Variants in DDAH1 observed in about 807,000 individuals in gnomAD.
DDAH1 encodes N(G),N(G)-dimethylarginine dimethylaminohydrolase 1.
Under a neutral mutation model 28.8 loss-of-function variants are expected in DDAH1, and 19 were observed. The observed-to-expected ratio is 0.66, with a 90% confidence interval of 0.46 to 0.97. The LOEUF (loss-of-function observed/expected upper bound fraction) is 0.97, where lower values mean the gene tolerates loss of function less well. Ranked by LOEUF, DDAH1 falls within the 50% of genes least tolerant of loss-of-function variation. The pLI is 0.00. For missense variants in DDAH1, 326 were observed against 375.9 expected (o/e 0.87, Z 1.10); for synonymous variants, 153 against 154.4 (o/e 0.99, Z 0.07).
chr1:85,391,348 C>A (rs1249611384), intron 1 of DDAH1, among the ~76,000 whole-genome samples: 1 of 152,094 alleles, frequency 6.6e-6, no homozygotes, highest in African/African-American at 2.4e-5. Context: ...ATGCCTATAA[C>A]CCCAGCTACT....
At chr1:85,513,992 C>G (rs1657350710) in intron 1 of DDAH1, among the ~76,000 whole-genome samples, 1 of 152,174 alleles carries the variant, frequency 6.6e-6, no homozygotes, top group African/African-American at 2.4e-5. Flanking sequence ...ACCCAGCAAT[C>G]CCATTGCTGG....
chr1:85,470,239 G>A (rs1207937482), intron 2 of DDAH1, among the ~76,000 whole-genome samples: 1 of 152,210 alleles, frequency 6.6e-6, no homozygotes. Flanking sequence ...ATGTGACTGG[G>A]GAGGCCTTAC....
At chr1:85,574,903 A>C (rs1388977216) in intron 1 of DDAH1, among the ~76,000 whole-genome samples, 7 of 151,852 alleles carry the variant, frequency 4.6e-5, no homozygotes, top group East Asian at 3.9e-4. Flanking sequence ...ATATATATAT[A>C]TATGTAATTA....
At chr1:85,365,886 ATGACT>A (rs1650050104) in intron 1 of DDAH1, among the ~76,000 whole-genome samples, 1 of 152,176 alleles carries the variant, frequency 6.6e-6, no homozygotes, top group Non-Finnish European at 1.5e-5. Context: ...ATCTACTTAG[ATGACT>A]TGAGTTAATC....
chr1:85,377,597 A>G (rs1007114472), intron 1 of DDAH1, among the ~76,000 whole-genome samples: 25 of 152,152 alleles, frequency 1.6e-4, no homozygotes, highest in African/African-American at 6.0e-4. Context: ...GTGTTTTTCA[A>G]TTGGTATTGA....
intron 4 of DDAH1, among the ~76,000 whole-genome samples, chr1:85,340,277 A>G (rs1648393561): frequency 6.6e-6 from 1 of 152,186 alleles, no homozygotes; most frequent in South Asian, 2.1e-4. Context: ...ATGTGAATCT[A>G]GGTCAGTGAA....
At chr1:85,546,738 A>G in intron 1 of DDAH1, among the ~76,000 whole-genome samples, 1 of 152,204 alleles carries the variant, frequency 6.6e-6, no homozygotes, top group East Asian at 1.9e-4. Flanking sequence ...TTCTGTATAC[A>G]TGACAATAGG....
chr1:85,434,215 A>T (rs1653830351), intron 1 of DDAH1, among the ~76,000 whole-genome samples: 1 of 152,080 alleles, frequency 6.6e-6, no homozygotes, highest in African/African-American at 2.4e-5. Flanking sequence ...ATTTTGATCC[A>T]TCTTGAATTT....
At chr1:85,453,060 A>G (rs1313658612) in intron 1 of DDAH1, among the ~76,000 whole-genome samples, 6 of 152,198 alleles carry the variant, frequency 3.9e-5, no homozygotes, top group African/African-American at 1.4e-4. Flanking sequence ...TCCAGTCATT[A>G]GGTTGACCTC....
At chr1:85,406,486 G>A (rs575887748) in intron 1 of DDAH1, among the ~76,000 whole-genome samples, 8 of 152,126 alleles carry the variant, frequency 5.3e-5, no homozygotes, top group African/African-American at 1.7e-4. Flanking sequence ...GAAGTCCAAA[G>A]AGAAAAGAAA....
At chr1:85,358,997 T>C (rs1307413419) in intron 1 of DDAH1, 150 bp from the exon 2 acceptor site, 5 of 549,762 alleles carry the variant, frequency 9.1e-6, no homozygotes, top group Non-Finnish European at 1.6e-5. Context: ...GAATATATAA[T>C]GTATGACCAG....
At chr1:85,377,720 C>G (rs532080903) in intron 1 of DDAH1, among the ~76,000 whole-genome samples, 1 of 150,872 alleles carries the variant, frequency 6.6e-6, no homozygotes, top group Non-Finnish European at 1.5e-5. Context: ...ATCCCCCCAC[C>G]CCCATACAAG....
chr1:85,493,019 CT>C (rs2100730312), intron 2 of DDAH1, among the ~76,000 whole-genome samples: 1 of 152,104 alleles, frequency 6.6e-6, no homozygotes, highest in African/African-American at 2.4e-5. Context: ...AAACTTTTGC[CT>C]TCATGGGCCC....
intron 1 of DDAH1, among the ~76,000 whole-genome samples, chr1:85,383,811 T>C (rs1651117645): frequency 6.6e-6 from 1 of 152,206 alleles, no homozygotes; most frequent in Non-Finnish European, 1.5e-5. Flanking sequence ...CTCAGGTGAT[T>C]GTCAGCATTT....
intron 2 of DDAH1, among the ~76,000 whole-genome samples, chr1:85,484,320 G>T (rs897726664): frequency 1.6e-4 from 24 of 151,500 alleles, no homozygotes; most frequent in African/African-American, 5.8e-4. Flanking sequence ...CAACTTTGTG[G>T]TATAATGAAT....
chr1:85,477,282 C>T (rs1402104167), intron 2 of DDAH1, among the ~76,000 whole-genome samples: 1 of 152,122 alleles, frequency 6.6e-6, no homozygotes, highest in Non-Finnish European at 1.5e-5. Flanking sequence ...AGGGTCAGCT[C>T]CTGGCTGAGA....
At chr1:85,529,765 C>T (rs1236433170) in intron 1 of DDAH1, among the ~76,000 whole-genome samples, 2 of 148,584 alleles carry the variant, frequency 1.3e-5, no homozygotes, top group Non-Finnish European at 3.0e-5. Flanking sequence ...AACACAGTTA[C>T]TGGGCACATT....
chr1:85,354,934 C>A (rs1649414618), intron 2 of DDAH1, among the ~76,000 whole-genome samples: 1 of 151,780 alleles, frequency 6.6e-6, no homozygotes, highest in Non-Finnish European at 1.5e-5. Flanking sequence ...GAAGGAAATA[C>A]AGAAACAGAA....
intron 1 of DDAH1, among the ~76,000 whole-genome samples, chr1:85,401,247 T>C (rs181542074): frequency 1.3e-5 from 2 of 152,212 alleles, no homozygotes; most frequent in African/African-American, 4.8e-5. Flanking sequence ...AGTCCTAAAA[T>C]GAAGAGGGCC....
Sources: allele counts gnomAD v4.1 joint callset (sites outside exome capture counted in the v4.1 genomes callset), GRCh38; gene constraint gnomAD v4.1.1; transcripts MANE v1.5; gene names NCBI Gene and HGNC (gene_info 2026-07-23, HGNC 2026-07-21).